Variants in CRPPA observed in about 807,000 individuals in gnomAD.
CRPPA encodes the protein D-ribitol-5-phosphate cytidylyltransferase.
A neutral mutation model predicts 52.0 loss-of-function variants in CRPPA; 43 were observed. The ratio of observed to expected loss-of-function variants is 0.83; its 90% CI spans 0.65 to 1.07. The LOEUF (loss-of-function observed/expected upper bound fraction) is 1.07, where lower values mean the gene tolerates loss of function less well. CRPPA is among the 50% of genes least tolerant of loss of function. CRPPA has a pLI of 0.00. For synonymous variants in CRPPA, 250 were observed against 203.5 expected, an observed-to-expected ratio of 1.23 and a Z score of -1.94; for missense variants, 629 against 551.7, an observed-to-expected ratio of 1.14 and a Z score of -1.40.
chr7:16,283,139 G>A (rs549785927), intron 5 of CRPPA, among the ~76,000 whole-genome samples: 4 of 151,570 alleles, frequency 2.6e-5, no homozygotes, highest in African/African-American at 9.7e-5. Flanking sequence ...TTATGATGTG[G>A]GGATTACAAA....
chr7:16,304,304 C>A (rs1165920499), intron 4 of CRPPA, among the ~76,000 whole-genome samples: 1 of 151,976 alleles, frequency 6.6e-6, no homozygotes, highest in African/African-American at 2.4e-5. Flanking sequence ...CATTTTCTAC[C>A]CTGCATGGTG....
At chr7:16,325,842 C>T (rs1340589403) in intron 3 of CRPPA, among the ~76,000 whole-genome samples, 1 of 151,866 alleles carries the variant, frequency 6.6e-6, no homozygotes, top group Admixed American at 6.6e-5. Flanking sequence ...TGGAATCCAC[C>T]ACCACACAAC....
intron 3 of CRPPA, among the ~76,000 whole-genome samples, chr7:16,365,308 T>A (rs1786563182): frequency 6.6e-6 from 1 of 152,168 alleles, no homozygotes; most frequent in Non-Finnish European, 1.5e-5. Context: ...CAATACAACA[T>A]TTTTGGATAA....
In CRPPA at chr7:16,234,249, C is replaced by G. The variant is rs73291476; in HGVS notation, c.1120-18052G>C. On this transcript the variant is annotated intron_variant, in intron 8 of 9. Coordinates refer to ENST00000407010, the MANE Select transcript of CRPPA (RefSeq NM_001101426.4). ...CCAACAAAAAGTTTGAATACCACTC[C>G]CCAAATTTAATTTTTAAGAGGAAAA... Among the ~76,000 whole-genome samples, 429 of 151,974 alleles carry G rather than the reference C, an allele frequency of 2.8e-3. 2 individuals are homozygous for G. The highest frequency in any genetic ancestry group is 0.01 in the African/African-American group (418 of 41,468).
intron 8 of CRPPA, among the ~76,000 whole-genome samples, chr7:16,221,284 A>C (rs1369073334): frequency 6.6e-6 from 1 of 152,198 alleles, no homozygotes; most frequent in African/African-American, 2.4e-5. Flanking sequence ...CACCTTATAC[A>C]AAAATCAATT....
intron 9 of CRPPA, among the ~76,000 whole-genome samples, chr7:16,144,896 C>T (rs1782944453): frequency 6.6e-6 from 1 of 152,128 alleles, no homozygotes; most frequent in Admixed American, 6.5e-5. Flanking sequence ...ATCTGTTGCT[C>T]GGCCAGACTC....
intron 8 of CRPPA, among the ~76,000 whole-genome samples, chr7:16,232,326 G>A (rs534602404): frequency 3.9e-5 from 6 of 152,254 alleles, no homozygotes; most frequent in East Asian, 3.9e-4. Context: ...GGTCATGAGC[G>A]CTTATGAAGG....
In CRPPA at chr7:16,376,156, C is replaced by G; in HGVS notation, c.620G>C (p.Arg207Thr). Residue 207 changes from arginine to threonine, a missense_variant, in exon 3 of 10, where the codon AGA (arginine) becomes ACA (threonine). Arg to Thr is a moderately conservative substitution (Grantham distance 71, BLOSUM62 -1). Coordinates refer to ENST00000407010, the MANE Select transcript of CRPPA (RefSeq NM_001101426.4). ...TTGGGGCATTTCACTTGCTCTGTGT[C>G]TGGCACGTTCTAGCGAGTAGTCTAA... ...GCLDYSLERA[R>T]HRASEMPQAF... 1 of 1,613,264 alleles carries G rather than the reference C, an allele frequency of 6.2e-7. No individual in the cohort carries two copies. Among genetic ancestry groups the G allele is most frequent in the Non-Finnish European group, 8.5e-7 (1 of 1,179,586 alleles).
intron 5 of CRPPA, among the ~76,000 whole-genome samples, chr7:16,293,023 C>G (rs936073941): frequency 6.6e-6 from 1 of 151,712 alleles, no homozygotes; most frequent in Non-Finnish European, 1.5e-5. Flanking sequence ...TATGACAGAC[C>G]CACGACACAT....
At chr7:16,414,237 C>G (rs1367856406) in intron 1 of CRPPA, among the ~76,000 whole-genome samples, 2 of 152,208 alleles carry the variant, frequency 1.3e-5, no homozygotes, top group East Asian at 3.9e-4. Flanking sequence ...CTACCCAACT[C>G]ATCACCAAGT....
chr7:16,201,202 A>G (rs1781846590), intron 9 of CRPPA, among the ~76,000 whole-genome samples: 1 of 152,200 alleles, frequency 6.6e-6, no homozygotes, highest in Admixed American at 6.5e-5. Flanking sequence ...ACATTGAAAT[A>G]AAAACATATA....
chr7:16,249,395 T>C (rs1783376107), intron 8 of CRPPA, among the ~76,000 whole-genome samples: 1 of 152,152 alleles, frequency 6.6e-6, no homozygotes, highest in African/African-American at 2.4e-5. Context: ...ACCGACTGCC[T>C]GCTCAAGTGG....
At chr7:16,158,105 T>C (rs1783225146) in intron 9 of CRPPA, among the ~76,000 whole-genome samples, 1 of 151,282 alleles carries the variant, frequency 6.6e-6, no homozygotes, top group Non-Finnish European at 1.5e-5. Flanking sequence ...AGGCTGATCT[T>C]GATCTCCTGA....
intron 3 of CRPPA, among the ~76,000 whole-genome samples, chr7:16,310,702 T>C (rs2128425212): frequency 6.6e-6 from 1 of 151,328 alleles, no homozygotes; most frequent in East Asian, 2.0e-4. Flanking sequence ...ATAATTCAGA[T>C]ATTCCAAAGA....
chr7:16,232,989 C>A (rs1022147234), intron 8 of CRPPA, among the ~76,000 whole-genome samples: 1 of 152,050 alleles, frequency 6.6e-6, no homozygotes, highest in Non-Finnish European at 1.5e-5. Flanking sequence ...ATATTAAGCA[C>A]AGATGTAAAA....
intron 8 of CRPPA, among the ~76,000 whole-genome samples, chr7:16,237,969 T>C (rs1047318103): frequency 2.0e-5 from 3 of 152,164 alleles, no homozygotes; most frequent in South Asian, 2.1e-4. Flanking sequence ...CCAGGCTAAA[T>C]TGCCTCTTTT....
At chr7:16,210,035 G>C (rs767289832) in intron 9 of CRPPA, among the ~76,000 whole-genome samples, 4 of 152,092 alleles carry the variant, frequency 2.6e-5, no homozygotes, top group Non-Finnish European at 5.9e-5. Context: ...TCCAAATCAA[G>C]CTCTTTAAAA....
intron 3 of CRPPA, among the ~76,000 whole-genome samples, chr7:16,332,304 A>C (rs542631940): frequency 7.6e-4 from 115 of 152,316 alleles, no homozygotes; most frequent in Non-Finnish European, 8.4e-4. Flanking sequence ...CAATGTTAAA[A>C]GGAGCTATTT....
At chr7:16,245,144 A>C (rs961100631) in intron 8 of CRPPA, among the ~76,000 whole-genome samples, 4 of 152,194 alleles carry the variant, frequency 2.6e-5, no homozygotes, top group African/African-American at 9.6e-5. Flanking sequence ...ATAGCCTCTG[A>C]AGTGCCTGAT....
Sources: gnomAD v4.1 joint callset for allele counts (sites outside exome capture counted in the v4.1 genomes callset) on GRCh38, gnomAD v4.1.1 for gene constraint, MANE v1.5 for transcripts, NCBI Gene and HGNC (gene_info 2026-07-23, HGNC 2026-07-21) for gene names.